ULK4: variants seen among roughly 807,000 people sequenced by gnomAD.
ULK4 encodes inactive serine/threonine-protein kinase ULK4.
Under a neutral mutation model 160.6 loss-of-function variants are expected in ULK4, and 133 were observed. The observed-to-expected ratio is 0.83, with a 90% confidence interval of 0.72 to 0.96. The LOEUF (loss-of-function observed/expected upper bound fraction) is 0.96. Among genes scored for constraint, ULK4 ranks in the 40% least tolerant of loss-of-function variants. ULK4 has a pLI of 0.00. For missense variants in ULK4, 1,580 were observed against 1,499.5 expected, an observed-to-expected ratio of 1.05 and a Z score of -0.89; for synonymous variants, 534 against 539.8, an observed-to-expected ratio of 0.99 and a Z score of 0.15.
At chr3:41,764,463 G>A (rs937870219) in intron 21 of ULK4, among the ~76,000 whole-genome samples, 2 of 152,102 alleles carry the variant, frequency 1.3e-5, no homozygotes, top group Admixed American at 6.5e-5. Flanking sequence ...AAAAAAAGTG[G>A]GTCAGGTATG....
intron 5 of ULK4, among the ~76,000 whole-genome samples, chr3:41,925,629 A>G (rs1163307328): frequency 6.6e-6 from 1 of 152,164 alleles, no homozygotes; most frequent in African/African-American, 2.4e-5. Context: ...ACCCCCACGG[A>G]GCCCAGCAAG....
chr3:41,661,494 CAGATAGAT>C (rs559616474), intron 30 of ULK4, among the ~76,000 whole-genome samples: 1 of 134,418 alleles, frequency 7.4e-6, no homozygotes, highest in Admixed American at 6.8e-5. Flanking sequence ...GGCAGATAGA[CAGATAGAT>C]AGATAGATGA....
chr3:41,256,184 T>G (rs2078831568), intron 35 of ULK4, among the ~76,000 whole-genome samples: 1 of 152,226 alleles, frequency 6.6e-6, no homozygotes, highest in South Asian at 2.1e-4. Flanking sequence ...TAATATAGAA[T>G]AGCTGAGTCT....
At chr3:41,897,149 A>G (rs1575907817) in intron 14 of ULK4, 146 bp from the exon 15 acceptor site, 5 of 673,032 alleles carry the variant, frequency 7.4e-6, no homozygotes, top group African/African-American at 5.4e-5. Flanking sequence ...CAAAGATGAC[A>G]CTATTTTTAT....
At chr3:41,323,391 AACACAC>A (rs34357899) in intron 35 of ULK4, among the ~76,000 whole-genome samples, 2,561 of 120,306 alleles carry the variant, frequency 0.021, 62 homozygotes, top group African/African-American at 0.061. Flanking sequence ...CCTGAACAAT[AACACAC>A]ACACACACAC....
chr3:41,418,072 C>A (rs1304266407), intron 34 of ULK4, among the ~76,000 whole-genome samples: 1 of 152,120 alleles, frequency 6.6e-6, no homozygotes, highest in Admixed American at 6.6e-5. Context: ...TACTTCCATA[C>A]CCAATAATCT....
chr3:41,468,405 G>C (rs558234794), intron 32 of ULK4, among the ~76,000 whole-genome samples: 1 of 152,106 alleles, frequency 6.6e-6, no homozygotes, highest in African/African-American at 2.4e-5. Context: ...AATACAGTAG[G>C]AATCACGACA....
At chr3:41,536,773 G>T (rs2086514709) in intron 32 of ULK4, among the ~76,000 whole-genome samples, 1 of 152,194 alleles carries the variant, frequency 6.6e-6, no homozygotes, top group East Asian at 1.9e-4. Context: ...CAGGGTGGCA[G>T]AGGCTGACAA....
At chr3:41,595,648 C>A (rs1426679011) in intron 31 of ULK4, among the ~76,000 whole-genome samples, 1 of 152,120 alleles carries the variant, frequency 6.6e-6, no homozygotes. Flanking sequence ...TGTAGTGCCA[C>A]AGAAGCCAAC....
At chr3:41,764,162 A>C (rs975507906) in intron 21 of ULK4, among the ~76,000 whole-genome samples, 2 of 152,230 alleles carry the variant, frequency 1.3e-5, no homozygotes, top group Non-Finnish European at 2.9e-5. Flanking sequence ...AAATTTAAAG[A>C]AAATATAATC....
intron 16 of ULK4, among the ~76,000 whole-genome samples, chr3:41,890,419 C>A (rs948291313): frequency 6.6e-6 from 1 of 152,042 alleles, no homozygotes; most frequent in Non-Finnish European, 1.5e-5. Context: ...GTGGCTCACA[C>A]CTGTAATCCC....
At chr3:41,764,086 C>A (rs1316932872) in intron 21 of ULK4, among the ~76,000 whole-genome samples, 1 of 151,988 alleles carries the variant, frequency 6.6e-6, no homozygotes, top group Non-Finnish European at 1.5e-5. Flanking sequence ...ATTTAAATCT[C>A]CCTGACAAGA....
chr3:41,882,371 A>C lies in ULK4; in HGVS notation c.1656+1503T>G. On this transcript the variant is annotated intron_variant, in intron 17 of 36. Coordinates refer to ENST00000301831, the MANE Select transcript of ULK4 (RefSeq NM_017886.4). ...AGTAGAACAATGGGGTTTGGAAATT[A>C]CAGGGTGGTCGTAGTATTCTTTTCT... 1.3e-5 allele frequency: 9 copies of C among 684,142 alleles called. No individual in the cohort carries two copies. The South Asian group carries it at 1.4e-4, about 11-fold the overall frequency. 42.4% of individuals were successfully genotyped at this position (684,142 alleles called of 1,614,324 possible). A position where few individuals can be genotyped will look rare whatever the true frequency, so the allele number is the denominator to read the frequency against.
chr3:41,647,085 T>C (rs543267126), intron 30 of ULK4, among the ~76,000 whole-genome samples: 3 of 152,366 alleles, frequency 2.0e-5, no homozygotes, highest in South Asian at 2.1e-4. Context: ...ATTCTAGTTA[T>C]ACATTCGTCT....
At chr3:41,810,650 A>G (rs1484203753) in intron 19 of ULK4, among the ~76,000 whole-genome samples, 1 of 152,164 alleles carries the variant, frequency 6.6e-6, no homozygotes, top group Admixed American at 6.6e-5. Flanking sequence ...CCCTATCTCT[A>G]TTTTAAAAAA....
At chr3:41,411,116 T>C (rs1363828066) in intron 34 of ULK4, among the ~76,000 whole-genome samples, 1 of 152,158 alleles carries the variant, frequency 6.6e-6, no homozygotes, top group Non-Finnish European at 1.5e-5. Flanking sequence ...CTATTTACAA[T>C]GTGAACTAGG....
chr3:41,643,032 G>A (rs919951376), intron 30 of ULK4, among the ~76,000 whole-genome samples: 5 of 152,082 alleles, frequency 3.3e-5, no homozygotes, highest in African/African-American at 1.2e-4. Context: ...AGTTTTTGAT[G>A]GGGTTGTTTG....
intron 35 of ULK4, among the ~76,000 whole-genome samples, chr3:41,397,271 TAAATA>T: frequency 6.6e-6 from 1 of 152,286 alleles, no homozygotes; most frequent in African/African-American, 2.4e-5. Context: ...TATGCATTTT[TAAATA>T]AAATAAGTGA....
intron 34 of ULK4, among the ~76,000 whole-genome samples, chr3:41,430,905 G>T (rs1182804327): frequency 1.3e-5 from 2 of 152,140 alleles, no homozygotes; most frequent in Admixed American, 1.3e-4. Flanking sequence ...AATGAGGTTT[G>T]GGGGTGGGGG....
Sources: allele counts gnomAD v4.1 joint callset (sites outside exome capture counted in the v4.1 genomes callset), GRCh38; gene constraint gnomAD v4.1.1; transcripts MANE v1.5; gene names NCBI Gene and HGNC (gene_info 2026-07-23, HGNC 2026-07-21).